Variants in CNBD1 observed in about 807,000 individuals in gnomAD.
CNBD1 encodes the protein cyclic nucleotide-binding domain-containing protein 1.
CNBD1 carries 71 observed loss-of-function variants against 54.4 expected under a neutral mutation model. The ratio of observed to expected loss-of-function variants is 1.30; its 90% CI spans 1.08 to 1.59. CNBD1 has a LOEUF of 1.59. Ranked by LOEUF, CNBD1 falls within the 40% of genes most tolerant of loss-of-function variation. CNBD1 has a pLI of 0.00. For missense variants in CNBD1, 659 were observed against 518.0 expected (o/e 1.27, Z -2.64); for synonymous variants, 182 against 170.7 (o/e 1.07, Z -0.51).
At chr8:86,936,862 A>G (rs1412428294) in intron 3 of CNBD1, among the ~76,000 whole-genome samples, 1 of 152,214 alleles carries the variant, frequency 6.6e-6, no homozygotes, top group Non-Finnish European at 1.5e-5. Context: ...ATTCAAAGGT[A>G]CAGGTAATTG....
At chr8:86,951,581 C>CATCACAAAAAAA (rs1807624444) in intron 4 of CNBD1, among the ~76,000 whole-genome samples, 1 of 37,360 alleles carries the variant, frequency 2.7e-5, no homozygotes, top group East Asian at 8.9e-4. Flanking sequence ...CTCCGTCTCA[C>CATCACAAAAAAA]AAAAAAAAAA....
intron 6 of CNBD1, among the ~76,000 whole-genome samples, chr8:87,281,081 A>G (rs1056230616): frequency 6.6e-6 from 1 of 151,660 alleles, no homozygotes; most frequent in Non-Finnish European, 1.5e-5. Flanking sequence ...AATATAAAGT[A>G]GACCATGATT....
chr8:87,186,063 G>T, intron 4 of CNBD1, among the ~76,000 whole-genome samples: 1 of 151,902 alleles, frequency 6.6e-6, no homozygotes, highest in East Asian at 1.9e-4. Context: ...TGCATATGTT[G>T]TCTCTTTTTT....
intron 3 of CNBD1, among the ~76,000 whole-genome samples, chr8:86,938,988 A>C (rs1478684829): frequency 1.3e-5 from 2 of 152,130 alleles, no homozygotes; most frequent in Non-Finnish European, 2.9e-5. Context: ...TTTTTTTCTT[A>C]AACACAGACA....
Position 87,427,307 on chromosome 8 carries a change from G to C in CNBD1, c.214-1239G>C, listed in dbSNP as rs189864745. ...GTTTGGGGTATAAAATTGTTTCACTGCTTTTAAAATTCTGTCATTTAGAGC... is the reference window on the plus strand; with the variant it reads ...GTTTGGGGTATAAAATTGTTTCACTCCTTTTAAAATTCTGTCATTTAGAGC... On this transcript the variant is annotated intron_variant, in intron 2 of 7. Transcript: ENST00000521593. Among the ~76,000 whole-genome samples the C allele has an allele frequency of 3.2e-3, 481 of 152,200 alleles. 2 individuals carry two copies. Among genetic ancestry groups the C allele is most frequent in the African/African-American group, 0.011 (448 of 41,516 alleles).
intron 4 of CNBD1, among the ~76,000 whole-genome samples, chr8:86,984,292 A>G (rs1334744671): frequency 6.6e-6 from 1 of 152,202 alleles, no homozygotes; most frequent in Non-Finnish European, 1.5e-5. Context: ...AAACACCTAG[A>G]TACCCAGGCA....
intron 4 of CNBD1, among the ~76,000 whole-genome samples, chr8:87,025,166 A>G (rs1809610202): frequency 1.4e-5 from 2 of 143,318 alleles, no homozygotes; most frequent in South Asian, 4.1e-4. Context: ...AAACGCACCA[A>G]TCAGCACTCC....
intron 8 of CNBD1, among the ~76,000 whole-genome samples, chr8:87,318,327 G>T (rs370869860): frequency 6.6e-6 from 1 of 152,052 alleles, no homozygotes; most frequent in South Asian, 2.1e-4. Flanking sequence ...AAGTTTTCTT[G>T]AGCTTTGTTC....
At chr8:87,388,847 C>T (rs899358524) in intron 2 of CNBD1, among the ~76,000 whole-genome samples, 3 of 152,100 alleles carry the variant, frequency 2.0e-5, no homozygotes, top group African/African-American at 7.2e-5. Context: ...ATGCAAAATC[C>T]TCAATAAAAT....
intron 2 of CNBD1, among the ~76,000 whole-genome samples, chr8:87,388,136 C>T (rs112409501): frequency 0.014 from 2,141 of 151,774 alleles, 57 homozygotes; most frequent in African/African-American, 0.046. Flanking sequence ...CACTAAATGC[C>T]CACAAGAGAA....
intron 10 of CNBD1, 56 bp downstream of exon 10, chr8:87,353,842 A>AT: frequency 7.5e-7 from 1 of 1,340,200 alleles, no homozygotes. Flanking sequence ...GAGTTCTTAA[A>AT]TTTTTTAAAT....
intron 4 of CNBD1, among the ~76,000 whole-genome samples, chr8:87,062,122 A>C (rs965159825): frequency 6.6e-6 from 1 of 152,234 alleles, no homozygotes; most frequent in African/African-American, 2.4e-5. Flanking sequence ...ATTCAAAATT[A>C]TTAGCCAACT....
intron 8 of CNBD1, among the ~76,000 whole-genome samples, chr8:87,301,825 A>G (rs922612696): frequency 6.6e-6 from 1 of 152,216 alleles, no homozygotes; most frequent in Non-Finnish European, 1.5e-5. Context: ...AATCCCACAG[A>G]AATACAAACT....
At chr8:87,006,799 A>G (rs754631588) in intron 4 of CNBD1, among the ~76,000 whole-genome samples, 1 of 152,216 alleles carries the variant, frequency 6.6e-6, no homozygotes, top group African/African-American at 2.4e-5. Flanking sequence ...CCTGCCTTGA[A>G]TGTTTCTCTC....
chr8:87,092,464 T>TGC (rs1811230548), intron 4 of CNBD1, among the ~76,000 whole-genome samples: 1 of 149,514 alleles, frequency 6.7e-6, no homozygotes, highest in African/African-American at 2.5e-5. Flanking sequence ...CATATGTGTG[T>TGC]GTGTGTATAT....
chr8:87,279,029 T>A (rs1808537388), intron 6 of CNBD1, among the ~76,000 whole-genome samples: 1 of 151,430 alleles, frequency 6.6e-6, no homozygotes, highest in Non-Finnish European at 1.5e-5. Flanking sequence ...TTATAATTTT[T>A]CTATTTAATT....
At chr8:87,230,240 A>G (rs143283534) in intron 5 of CNBD1, among the ~76,000 whole-genome samples, 149 of 152,254 alleles carry the variant, frequency 9.8e-4, no homozygotes, top group Non-Finnish European at 1.7e-3. Flanking sequence ...CCATGATCCA[A>G]TCACCTCCCA....
intron 8 of CNBD1, 34 bp downstream of exon 8, chr8:87,286,705 C>T (rs952800814): frequency 4.8e-6 from 7 of 1,456,600 alleles, no homozygotes; most frequent in East Asian, 2.5e-5. Flanking sequence ...ATTTTGTTTG[C>T]ATTCTGTTAT....
At chr8:87,062,094 C>T (rs746245607) in intron 4 of CNBD1, among the ~76,000 whole-genome samples, 24 of 152,154 alleles carry the variant, frequency 1.6e-4, no homozygotes, top group Non-Finnish European at 3.4e-4. Context: ...AAGTCAGCTC[C>T]CGGCAAGTGA....
Sources: gnomAD v4.1 joint callset for allele counts (sites outside exome capture counted in the v4.1 genomes callset) on GRCh38, gnomAD v4.1.1 for gene constraint, MANE v1.5 for transcripts, NCBI Gene and HGNC (gene_info 2026-07-23, HGNC 2026-07-21) for gene names.